The following CNTN6 variants were observed in gnomAD, a reference collection of about 807,000 sequenced individuals.
The protein encoded by CNTN6 is contactin 6, also known as contactin-6.
Under a neutral mutation model 122.8 loss-of-function variants are expected in CNTN6, and 137 were observed. The observed-to-expected ratio is 1.12, with a 90% confidence interval of 0.97 to 1.29. The LOEUF (loss-of-function observed/expected upper bound fraction) is 1.29. Among genes scored for constraint, CNTN6 ranks in the 50% most tolerant of loss-of-function variants. The pLI is 0.00. For synonymous variants in CNTN6, 570 were observed against 426.0 expected, an observed-to-expected ratio of 1.34 and a Z score of -4.16; for missense variants, 1,634 against 1,223.4, an observed-to-expected ratio of 1.34 and a Z score of -5.01.
At chr3:1,222,200 A>T (rs911764396) in intron 3 of CNTN6, among the ~76,000 whole-genome samples, 1 of 152,152 alleles carries the variant, frequency 6.6e-6, no homozygotes, top group African/African-American at 2.4e-5. Flanking sequence ...TCAGGGGAAG[A>T]TCCTTCACTT....
chr3:1,242,491 C>G (rs919438740), intron 4 of CNTN6, among the ~76,000 whole-genome samples: 3 of 152,246 alleles, frequency 2.0e-5, no homozygotes, highest in African/African-American at 7.2e-5. Flanking sequence ...GAAGCCCATG[C>G]TGTAGCAGGC....
At chr3:1,110,717 ATGT>A (rs1051510156) in intron 1 of CNTN6, among the ~76,000 whole-genome samples, 25 of 152,044 alleles carry the variant, frequency 1.6e-4, no homozygotes, top group Non-Finnish European at 1.5e-4. Flanking sequence ...AGGTTTGACA[ATGT>A]TGTCAGGATT....
rs547358520 is a variant in CNTN6 at position 1,307,389 on chromosome 3, A to G, written c.761+9398A>G. Among the ~76,000 whole-genome samples the G allele has an allele frequency of 3.3e-5, 5 of 152,222 alleles. No homozygotes were observed. The South Asian group carries it at 1.0e-3, about 32-fold the overall frequency. On this transcript the variant is annotated intron_variant, in intron 7 of 22. Transcript: ENST00000446702. ...CTTCCTTTTTTCCCCTCTGTTCATAAATACATTTTTTAACTAATGGATTTT... is the reference window on the plus strand; with the variant it reads ...CTTCCTTTTTTCCCCTCTGTTCATAGATACATTTTTTAACTAATGGATTTT...
At chr3:1,236,222 G>A (rs143974969) in intron 4 of CNTN6, among the ~76,000 whole-genome samples, 36 of 151,410 alleles carry the variant, frequency 2.4e-4, no homozygotes, top group Middle Eastern at 3.4e-3. Flanking sequence ...TGCATCCTCC[G>A]TATAGGACCA....
intron 7 of CNTN6, among the ~76,000 whole-genome samples, chr3:1,302,592 T>A (rs1697610854): frequency 6.6e-6 from 1 of 152,156 alleles, no homozygotes; most frequent in Admixed American, 6.5e-5. Flanking sequence ...TTACATTTTT[T>A]ATTTTTAGGT....
chr3:1,146,797 CAT>C (rs1478479687), intron 1 of CNTN6, among the ~76,000 whole-genome samples: 3 of 151,974 alleles, frequency 2.0e-5, no homozygotes, highest in African/African-American at 4.8e-5. Context: ...ATAGATATAA[CAT>C]ATGATCTAAT....
At chr3:1,109,761 A>T (rs937159469) in intron 1 of CNTN6, among the ~76,000 whole-genome samples, 1 of 152,092 alleles carries the variant, frequency 6.6e-6, no homozygotes, top group Admixed American at 6.6e-5. Context: ...AAAGGAAGAG[A>T]CACATACTTC....
At chr3:1,149,679 G>A (rs7647167) in intron 2 of CNTN6, among the ~76,000 whole-genome samples, 27,870 of 152,030 alleles carry the variant, frequency 0.18, 3,272 homozygotes, top group African/African-American at 0.33. Flanking sequence ...TTAAATAATA[G>A]TGTATTCTTT....
In CNTN6 at chr3:1,181,267, A is replaced by T. The variant is rs1222636118; in HGVS notation, c.55+33204A>T. On this transcript the variant is annotated intron_variant, in intron 2 of 22. Coordinates refer to ENST00000446702, the MANE Select transcript of CNTN6 (RefSeq NM_001289080.2). ...TAGAGATGCACAATGAATAAAACAC[A>T]TTCTCCACTACACAACTCACTTACT... 2.6e-5 allele frequency among the ~76,000 whole-genome samples: 4 copies of T among 152,158 alleles called. No individual in the cohort carries two copies. The South Asian group carries it at 8.3e-4, about 31-fold the overall frequency.
intron 1 of CNTN6, among the ~76,000 whole-genome samples, chr3:1,130,015 A>T (rs991474812): frequency 1.3e-5 from 2 of 152,094 alleles, no homozygotes; most frequent in African/African-American, 2.4e-5. Context: ...TTAAAAAGCA[A>T]ATCTTTAATT....
In CNTN6 at chr3:1,383,281, T is replaced by G. The variant is rs1352687112; in HGVS notation, c.2402-12T>G. The stretch of plus-strand genomic sequence containing the variant: ...TCTGCTAAAGATGGTTATGTCTTTC[T>G]CTGGATGGTAGAACCTCAACTGGCC... On this transcript the variant is annotated splice_polypyrimidine_tract_variant and intron_variant, in intron 18 of 22. Coordinates refer to ENST00000446702, the MANE Select transcript of CNTN6 (RefSeq NM_001289080.2). 6.2e-7 allele frequency: 1 copy of G among 1,609,694 alleles called. No individual in the cohort carries two copies. Among genetic ancestry groups the G allele is most frequent in the South Asian group, 1.1e-5 (1 of 90,984 alleles).
intron 10 of CNTN6, among the ~76,000 whole-genome samples, chr3:1,328,625 G>A (rs1385707152): frequency 6.6e-6 from 1 of 151,738 alleles, no homozygotes; most frequent in East Asian, 1.9e-4. Context: ...AGTTGCTATC[G>A]TTGCACATGA....
chr3:1,117,371 T>C (rs1392459268), intron 1 of CNTN6, among the ~76,000 whole-genome samples: 1 of 152,130 alleles, frequency 6.6e-6, no homozygotes, highest in Non-Finnish European at 1.5e-5. Flanking sequence ...TTCAGGGAAC[T>C]GCAGGTGGTT....
rs547995646 is a variant in CNTN6 at position 1,271,634 on chromosome 3, A to G, written c.359-6779A>G. 5.3e-5 allele frequency among the ~76,000 whole-genome samples: 8 copies of G among 152,274 alleles called. 1 individual carries two copies. The East Asian group carries it at 1.5e-3, about 29-fold the overall frequency. The stretch of plus-strand genomic sequence containing the variant: ...TAAGGGTGGAGATAAATCGAGAAAT[A>G]TAAAGAGAGGTACAAATAAGGATTC... On this transcript the variant is annotated intron_variant, in intron 4 of 22. Coordinates refer to ENST00000446702, the MANE Select transcript of CNTN6 (RefSeq NM_001289080.2).
In CNTN6 at chr3:1,128,987, T is replaced by C. The variant is rs116923872; in HGVS notation, c.-82-18940T>C. Among the ~76,000 whole-genome samples, 177 of 152,142 alleles carry C rather than the reference T, an allele frequency of 1.2e-3. 6 individuals carry two copies. The East Asian group carries it at 0.034, about 29-fold the overall frequency. ...ACAACTAGATATATGCCTTCTTTTGTTTGCATAATTTTTCTTTTTAGTGTT... is the reference window on the plus strand; with the variant it reads ...ACAACTAGATATATGCCTTCTTTTGCTTGCATAATTTTTCTTTTTAGTGTT... On this transcript the variant is annotated intron_variant, in intron 1 of 22. Coordinates refer to ENST00000446702, the MANE Select transcript of CNTN6 (RefSeq NM_001289080.2).
At chr3:1,196,128 CAGAA>C (rs113235382) in intron 2 of CNTN6, among the ~76,000 whole-genome samples, 39 of 152,278 alleles carry the variant, frequency 2.6e-4, no homozygotes, top group Middle Eastern at 6.8e-3. Flanking sequence ...GTGACTGAAT[CAGAA>C]AGAATTTGTT....
intron 4 of CNTN6, among the ~76,000 whole-genome samples, chr3:1,246,929 C>T (rs956086232): frequency 8.5e-5 from 13 of 152,204 alleles, no homozygotes; most frequent in African/African-American, 3.1e-4. Flanking sequence ...CACAATGTTG[C>T]TTTTTTGTGT....
intron 11 of CNTN6, among the ~76,000 whole-genome samples, chr3:1,332,610 G>A (rs922881253): frequency 7.2e-5 from 11 of 151,974 alleles, no homozygotes; most frequent in Admixed American, 5.9e-4. Flanking sequence ...AAGGGTCACT[G>A]CTGTTTACTA....
intron 1 of CNTN6, among the ~76,000 whole-genome samples, chr3:1,097,154 C>A (rs1052465622): frequency 6.6e-6 from 1 of 152,180 alleles, no homozygotes; most frequent in Non-Finnish European, 1.5e-5. Context: ...TAACACAGGA[C>A]ATAGTAGAGG....
Sources: gnomAD v4.1 joint callset for allele counts (sites outside exome capture counted in the v4.1 genomes callset) on GRCh38, gnomAD v4.1.1 for gene constraint, MANE v1.5 for transcripts, NCBI Gene and HGNC (gene_info 2026-07-23, HGNC 2026-07-21) for gene names.